Variants in NBAS observed in about 807,000 individuals in gnomAD.
NBAS encodes NBAS subunit of NRZ tethering complex, also known as NAG/BC035112 fusion.
A neutral mutation model predicts 302.5 loss-of-function variants in NBAS; 219 were observed. The ratio of observed to expected loss-of-function variants is 0.72; its 90% CI spans 0.65 to 0.81. NBAS has a LOEUF of 0.81. NBAS is among the 30% of genes least tolerant of loss of function. The probability of loss-of-function intolerance (pLI) is 0.00; values close to 1 mark genes in which losing one functional copy is unlikely to be tolerated. For synonymous variants in NBAS, 1,118 were observed against 1,021.6 expected (o/e 1.09, Z -1.80); for missense variants, 2,932 against 2,841.6 (o/e 1.03, Z -0.72).
chr2:14,872,724 G>A, the NBAS span, among the ~76,000 whole-genome samples: 1 of 152,274 alleles, frequency 6.6e-6, no homozygotes, highest in South Asian at 2.1e-4. Context: ...TGAAGCTGCA[G>A]ACCCTCGCAG....
chr2:15,331,483 A>ACTTC (rs1195956215), intron 35 of NBAS, among the ~76,000 whole-genome samples: 1 of 152,198 alleles, frequency 6.6e-6, no homozygotes, highest in Non-Finnish European at 1.5e-5. Context: ...GTGTCTATCC[A>ACTTC]CTTCCACTTA....
At chr2:15,419,528 T>C (rs1047266137) in intron 23 of NBAS, among the ~76,000 whole-genome samples, 6 of 152,112 alleles carry the variant, frequency 3.9e-5, no homozygotes, top group African/African-American at 1.2e-4. Context: ...GCTCTAGTGA[T>C]CTTCCCACCT....
intron 34 of NBAS, among the ~76,000 whole-genome samples, chr2:15,352,606 G>A (rs909575153): frequency 6.6e-6 from 1 of 152,116 alleles, no homozygotes; most frequent in African/African-American, 2.4e-5. Context: ...CTTCCCTTGG[G>A]GTGGGTTGTG....
the NBAS span, among the ~76,000 whole-genome samples, chr2:15,028,851 A>C: frequency 1.3e-5 from 2 of 152,162 alleles, no homozygotes; most frequent in Admixed American, 1.3e-4. Flanking sequence ...GAGCATTATC[A>C]CTACATAATG....
chr2:14,937,565 A>G, the NBAS span, among the ~76,000 whole-genome samples: 4 of 152,126 alleles, frequency 2.6e-5, no homozygotes, highest in East Asian at 7.7e-4. Context: ...AGTAATGGGA[A>G]TCGCTGGGCT....
chr2:14,953,434 GCAAA>G, the NBAS span, among the ~76,000 whole-genome samples: 1 of 152,346 alleles, frequency 6.6e-6, no homozygotes, highest in East Asian at 1.9e-4. Context: ...ATTGCACAAA[GCAAA>G]CGTCTCAGCA....
chr2:15,112,760 C>G, the NBAS span, among the ~76,000 whole-genome samples: 5 of 2,508 alleles, frequency 2.0e-3, no homozygotes, highest in African/African-American at 8.7e-3. Flanking sequence ...AAATATAAAC[C>G]GAATTTCAAG....
At chr2:14,795,474 C>CATATATATATATAT in the NBAS span, among the ~76,000 whole-genome samples, 22 of 147,834 alleles carry the variant, frequency 1.5e-4, 1 homozygote, top group African/African-American at 5.8e-4. Flanking sequence ...CAAGATTTTA[C>CATATATATATATAT]ATATATATAT....
the NBAS span, among the ~76,000 whole-genome samples, chr2:14,943,516 T>C: frequency 1.3e-5 from 2 of 152,202 alleles, no homozygotes; most frequent in Non-Finnish European, 2.9e-5. Context: ...GAATATAATA[T>C]TTGGAAGAAA....
the NBAS span, among the ~76,000 whole-genome samples, chr2:14,793,128 C>A: frequency 6.6e-6 from 1 of 151,748 alleles, no homozygotes; most frequent in South Asian, 2.1e-4. Context: ...AAGAAGGAGG[C>A]CATCTGAAAG....
chr2:14,887,791 A>C, the NBAS span, among the ~76,000 whole-genome samples: 1 of 152,180 alleles, frequency 6.6e-6, no homozygotes, highest in African/African-American at 2.4e-5. Flanking sequence ...AATATCAAAA[A>C]CCAAACTTCT....
chr2:15,467,372 C>T lies in NBAS; in HGVS notation c.2054G>A (p.Arg685Lys). The T allele has an allele frequency of 6.2e-7, 1 of 1,613,594 alleles. No individual in the cohort carries two copies. Residue 685 changes from arginine (R) to lysine (K), a missense_variant, in exon 19 of 52, where the codon AGA (arginine) becomes AAA (lysine). Arg to Lys is a conservative substitution (Grantham distance 26, BLOSUM62 2). Transcript: ENST00000281513. ...TLEQKELCRC[R>K]RKLLTYLDRL... Reference sequence around the variant, plus strand: ...ATCTAAGTAGGTTAATAACTTCCGTCTACAACGGCAAAGTTCCTTTTGTTC... The same window carrying T: ...ATCTAAGTAGGTTAATAACTTCCGTTTACAACGGCAAAGTTCCTTTTGTTC...
intron 44 of NBAS, among the ~76,000 whole-genome samples, chr2:15,253,803 C>A (rs960123645): frequency 6.6e-6 from 1 of 152,114 alleles, no homozygotes; most frequent in Non-Finnish European, 1.5e-5. Context: ...ATAACAGACT[C>A]CAATGGAGAC....
chr2:14,785,298 G>C, the NBAS span, among the ~76,000 whole-genome samples: 7 of 152,074 alleles, frequency 4.6e-5, no homozygotes, highest in African/African-American at 1.7e-4. Flanking sequence ...TTTCCTAATT[G>C]AATACCCTTT....
At chr2:15,432,434 A>G (rs1043592322) in intron 21 of NBAS, among the ~76,000 whole-genome samples, 2 of 152,184 alleles carry the variant, frequency 1.3e-5, no homozygotes, top group African/African-American at 4.8e-5. Context: ...GGTAACATTT[A>G]TCTGCCAGCA....
At chr2:14,860,236 T>C in the NBAS span, among the ~76,000 whole-genome samples, 1 of 152,118 alleles carries the variant, frequency 6.6e-6, no homozygotes, top group African/African-American at 2.4e-5. Context: ...TTGACGGGAA[T>C]GTAAATTAAC....
At chr2:14,864,729 T>C in the NBAS span, among the ~76,000 whole-genome samples, 151 of 152,334 alleles carry the variant, frequency 9.9e-4, no homozygotes, top group Non-Finnish European at 1.7e-3. Flanking sequence ...TATGTGACCA[T>C]GAGCAGTTGA....
chr2:14,961,450 CCT>C, the NBAS span, among the ~76,000 whole-genome samples: 1 of 152,082 alleles, frequency 6.6e-6, no homozygotes, highest in Admixed American at 6.5e-5. Context: ...AGCTGGGCCC[CCT>C]CTCTGCCCAT....
At position 15,415,533 on chromosome 2, in the gene NBAS, A is replaced by C. The variant is rs533677195; in HGVS notation, c.2937+13T>G. On this transcript the variant is annotated intron_variant, in intron 25 of 51. Coordinates refer to ENST00000281513, the MANE Select transcript of NBAS (RefSeq NM_015909.4). ...AAAGTGCCCAGAATTTTAAGAAGTT[A>C]GTTTCTACTTACATCTGGTTTGGAA... is the stretch of plus-strand genomic sequence containing the variant. 2 of 1,612,974 alleles carry C rather than the reference A, an allele frequency of 1.2e-6. No individual in the cohort carries two copies. The highest frequency in any genetic ancestry group is 2.2e-5 in the South Asian group (2 of 91,056).
Sources: allele counts gnomAD v4.1 joint callset (sites outside exome capture counted in the v4.1 genomes callset), GRCh38; gene constraint gnomAD v4.1.1; transcripts MANE v1.5; gene names NCBI Gene and HGNC (gene_info 2026-07-23, HGNC 2026-07-21).